GALNT17: variants seen among roughly 807,000 people sequenced by gnomAD.
GALNT17 encodes the protein polypeptide N-acetylgalactosaminyltransferase 17, also known as UDP-GalNAc:polypeptide N-acetylgalactosaminyltransferase-like 3.
GALNT17 carries 29 observed loss-of-function variants against 63.7 expected under a neutral mutation model. That is an observed-to-expected ratio of 0.46 (90% CI 0.34 to 0.62). The LOEUF (loss-of-function observed/expected upper bound fraction) is 0.62. Among genes scored for constraint, GALNT17 ranks in the 20% least tolerant of loss-of-function variants. GALNT17 has a pLI of 0.01. For missense variants in GALNT17, 603 were observed against 799.6 expected, an observed-to-expected ratio of 0.75 and a Z score of 2.97; for synonymous variants, 305 against 318.3, an observed-to-expected ratio of 0.96 and a Z score of 0.45.
At chr7:71,271,129 A>C (rs7793827) in intron 1 of GALNT17, among the ~76,000 whole-genome samples, 6,463 of 152,276 alleles carry the variant, frequency 0.042, 167 homozygotes, top group Non-Finnish European at 0.063. Flanking sequence ...GCTCATTCCA[A>C]ATGTGTTAGA....
chr7:71,414,739 G>A (rs567639864), intron 3 of GALNT17, among the ~76,000 whole-genome samples: 6 of 152,282 alleles, frequency 3.9e-5, no homozygotes, highest in South Asian at 4.1e-4. Flanking sequence ...GGTGCCCAGC[G>A]CTCAGCATTC....
At chr7:71,175,976 G>C (rs750082140) in intron 1 of GALNT17, among the ~76,000 whole-genome samples, 2 of 152,016 alleles carry the variant, frequency 1.3e-5, no homozygotes, top group African/African-American at 4.8e-5. Flanking sequence ...TCTGTTTCTG[G>C]TCTACTGGAT....
chr7:71,455,367 C>G (rs781014542), intron 5 of GALNT17, among the ~76,000 whole-genome samples: 4 of 152,044 alleles, frequency 2.6e-5, no homozygotes, highest in Non-Finnish European at 5.9e-5. Context: ...CCCATCCTGT[C>G]ATGGCTGGAA....
At chr7:71,487,807 G>A (rs1787937419) in intron 5 of GALNT17, among the ~76,000 whole-genome samples, 1 of 152,146 alleles carries the variant, frequency 6.6e-6, no homozygotes, top group Admixed American at 6.6e-5. Flanking sequence ...AGAACCATAT[G>A]ACATCCTGGT....
chr7:71,571,163 GTACATGCTAGGCTGGA>G, intron 5 of GALNT17, 106 bp from the exon 6 acceptor site: 2 of 736,970 alleles, frequency 2.7e-6, no homozygotes, highest in South Asian at 3.2e-5. Flanking sequence ...CTGGAACCCA[GTACATGCTAGGCTGGA>G]ACCAGTACAT....
intron 1 of GALNT17, among the ~76,000 whole-genome samples, chr7:71,265,879 AAAC>A: frequency 6.6e-6 from 1 of 152,336 alleles, no homozygotes; most frequent in Admixed American, 6.5e-5. Context: ...TAGTGGCATA[AAAC>A]ACCACACATT....
chr7:71,185,928 C>T (rs1788843291), intron 1 of GALNT17, among the ~76,000 whole-genome samples: 1 of 152,214 alleles, frequency 6.6e-6, no homozygotes, highest in African/African-American at 2.4e-5. Context: ...AGCTGTGTCT[C>T]ACACAACACT....
intron 6 of GALNT17, among the ~76,000 whole-genome samples, chr7:71,638,781 A>G (rs1334946595): frequency 1.3e-5 from 2 of 152,186 alleles, no homozygotes; most frequent in Non-Finnish European, 1.5e-5. Context: ...CCATGACGTT[A>G]GGTAGGTGGA....
intron 1 of GALNT17, among the ~76,000 whole-genome samples, chr7:71,154,678 G>A (rs986088457): frequency 6.6e-5 from 10 of 152,084 alleles, no homozygotes; most frequent in African/African-American, 1.9e-4. Flanking sequence ...CCTGGTTCAC[G>A]CCATTCTCCT....
chr7:71,602,391 A>G (rs1789979186), intron 6 of GALNT17, among the ~76,000 whole-genome samples: 1 of 152,130 alleles, frequency 6.6e-6, no homozygotes, highest in Non-Finnish European at 1.5e-5. Context: ...CCCAAAACAG[A>G]TTGACCCTCC....
chr7:71,344,152 G>A (rs1362300595), intron 2 of GALNT17, among the ~76,000 whole-genome samples: 1 of 151,918 alleles, frequency 6.6e-6, no homozygotes, highest in Non-Finnish European at 1.5e-5. Flanking sequence ...TCTGTGGGAG[G>A]CAGAAGGTGA....
chr7:71,548,241 CA>C (rs200104834), intron 5 of GALNT17, among the ~76,000 whole-genome samples: 37,277 of 134,740 alleles, frequency 0.28, 4,811 homozygotes, highest in Admixed American at 0.33. Context: ...GAGTCTGTCT[CA>C]AAAAAAAAAA....
At chr7:71,352,721 C>T (rs1475911300) in intron 2 of GALNT17, among the ~76,000 whole-genome samples, 1 of 152,078 alleles carries the variant, frequency 6.6e-6, no homozygotes, top group Non-Finnish European at 1.5e-5. Flanking sequence ...GGCAGCAGCC[C>T]AGGAGTGAGT....
rs1788249217 is a variant in GALNT17, at chr7:71,157,023, C to T, written c.238+23983C>T. Among the ~76,000 whole-genome samples the T allele has an allele frequency of 2.0e-5, 3 of 151,914 alleles. No individual in the cohort carries two copies. The Middle Eastern group carries it at 0.01, about 517-fold the overall frequency. ...CCAGGCTGGAGTGCCCTGGCACAGT[C>T]ATAGCTCAGTGTAGCTTTGGACTCT... On this transcript the variant is annotated intron_variant, in intron 1 of 10. Coordinates refer to ENST00000333538, the MANE Select transcript of GALNT17 (RefSeq NM_022479.3).
intron 9 of GALNT17, among the ~76,000 whole-genome samples, chr7:71,693,610 C>T (rs1307356613): frequency 6.7e-6 from 1 of 148,150 alleles, no homozygotes; most frequent in African/African-American, 2.6e-5. Flanking sequence ...AACACGTGGA[C>T]ACATAGAAGG....
chr7:71,271,054 C>T (rs143265705), intron 1 of GALNT17, among the ~76,000 whole-genome samples: 441 of 152,188 alleles, frequency 2.9e-3, no homozygotes, highest in Non-Finnish European at 4.4e-3. Flanking sequence ...TTGTTTCATA[C>T]GGGATAGTGT....
At chr7:71,637,489 ATTT>A (rs78580954) in intron 6 of GALNT17, among the ~76,000 whole-genome samples, 2 of 143,826 alleles carry the variant, frequency 1.4e-5, no homozygotes, top group African/African-American at 2.5e-5. Context: ...GCACCTGGCC[ATTT>A]TTTTTTTTTT....
rs199497569 is a variant in GALNT17, at chr7:71,135,015, C to T, written c.238+1975C>T. Among the ~76,000 whole-genome samples the T allele has an allele frequency of 2.0e-5, 3 of 151,766 alleles. No homozygotes were observed. In the East Asian group the frequency reaches 5.8e-4, roughly 30 times the overall value. ...TACAAGTGTGCATCACCATGCCCTT[C>T]TAATTTTTTAATTTTTTGTAGACAC... On this transcript the variant is annotated intron_variant, in intron 1 of 10. Transcript: ENST00000333538.
chr7:71,411,203 C>A (rs769202213), intron 3 of GALNT17, among the ~76,000 whole-genome samples: 14 of 152,016 alleles, frequency 9.2e-5, no homozygotes, highest in Non-Finnish European at 2.1e-4. Context: ...TCACTGCAAC[C>A]CCTGCCCCCT....
Sources: gnomAD v4.1 joint callset for allele counts (sites outside exome capture counted in the v4.1 genomes callset) on GRCh38, gnomAD v4.1.1 for gene constraint, MANE v1.5 for transcripts, NCBI Gene and HGNC (gene_info 2026-07-23, HGNC 2026-07-21) for gene names.